The following PICALM variants were observed in gnomAD, a reference collection of about 807,000 sequenced individuals.
PICALM encodes phosphatidylinositol-binding clathrin assembly protein.
PICALM carries 40 observed loss-of-function variants against 80.5 expected under a neutral mutation model. That is an observed-to-expected ratio of 0.50 (90% confidence interval 0.39 to 0.65). PICALM has a LOEUF of 0.65. Among genes scored for constraint, PICALM ranks in the 30% least tolerant of loss-of-function variants. PICALM has a pLI of 0.00. For synonymous variants in PICALM, 288 were observed against 260.3 expected (o/e 1.11, Z -1.02); for missense variants, 676 against 778.9 (o/e 0.87, Z 1.57).
intron 4 of PICALM, among the ~76,000 whole-genome samples, chr11:86,016,783 G>A (rs1293435649): frequency 1.3e-5 from 2 of 152,066 alleles, no homozygotes; most frequent in Admixed American, 6.6e-5. Context: ...AAGTATCTTC[G>A]AATCCTCTTC....
intron 4 of PICALM, among the ~76,000 whole-genome samples, chr11:86,018,452 T>C (rs2095513997): frequency 6.6e-6 from 1 of 152,184 alleles, no homozygotes; most frequent in South Asian, 2.1e-4. Context: ...CAATGACTCA[T>C]CAATTTTAAT....
intron 8 of PICALM, among the ~76,000 whole-genome samples, chr11:86,005,279 G>A (rs2095252590): frequency 6.6e-6 from 1 of 152,170 alleles, no homozygotes; most frequent in Non-Finnish European, 1.5e-5. Flanking sequence ...TCTTTTTTCT[G>A]AAGGGTTTAA....
intron 2 of PICALM, 66 bp downstream of exon 2, chr11:86,031,403 G>A (rs1239245753): frequency 1.2e-5 from 15 of 1,304,310 alleles, no homozygotes; most frequent in East Asian, 2.4e-5. Flanking sequence ...TGAAGTTTCA[G>A]TGAGAGAAGC....
At chr11:86,030,934 G>T (rs1593123059) in intron 2 of PICALM, among the ~76,000 whole-genome samples, 1 of 152,058 alleles carries the variant, frequency 6.6e-6, no homozygotes, top group Non-Finnish European at 1.5e-5. Context: ...AAGCCAAGAT[G>T]GAAAGACCCC....
At chr11:85,959,684 A>G (rs1057212845) in intron 19 of PICALM, among the ~76,000 whole-genome samples, 3 of 147,780 alleles carry the variant, frequency 2.0e-5, no homozygotes, top group Non-Finnish European at 3.0e-5. Context: ...GGCTCAAGCA[A>G]CCCTCCTGCC....
At chr11:86,034,802 T>C (rs1026793867) in intron 1 of PICALM, among the ~76,000 whole-genome samples, 77 of 152,248 alleles carry the variant, frequency 5.1e-4, no homozygotes, top group Non-Finnish European at 1.0e-3. Context: ...CACTTTTCCA[T>C]GTAGAGAAAG....
chr11:86,067,374 C>T (rs1337775670), intron 1 of PICALM, among the ~76,000 whole-genome samples: 1 of 152,152 alleles, frequency 6.6e-6, no homozygotes, highest in Non-Finnish European at 1.5e-5. Flanking sequence ...TGACTATTGC[C>T]CTATTTTTCC....
chr11:86,000,987 T>C, intron 10 of PICALM, 48 bp downstream of exon 10: 1 of 1,606,242 alleles, frequency 6.2e-7, no homozygotes, highest in Non-Finnish European at 8.5e-7. Flanking sequence ...ATTTACCTAA[T>C]GAACACCTGT....
intron 19 of PICALM, among the ~76,000 whole-genome samples, chr11:85,961,635 A>G (rs2093691334): frequency 1.3e-5 from 2 of 152,324 alleles, no homozygotes; most frequent in Non-Finnish European, 2.9e-5. Flanking sequence ...CCCGACATGA[A>G]CCTTTTTACT....
intron 1 of PICALM, among the ~76,000 whole-genome samples, chr11:86,055,622 T>G (rs1348576632): frequency 2.6e-5 from 4 of 151,778 alleles, no homozygotes; most frequent in Admixed American, 1.3e-4. Flanking sequence ...GGTAGTAGAG[T>G]TGTATTCCAT....
At chr11:86,021,105 T>C (rs777340069) in intron 4 of PICALM, among the ~76,000 whole-genome samples, 1 of 152,128 alleles carries the variant, frequency 6.6e-6, no homozygotes, top group Non-Finnish European at 1.5e-5. Flanking sequence ...CTCAACACTG[T>C]GGGAGGCCAA....
At chr11:86,068,402 G>C (rs1732349039) in intron 1 of PICALM, among the ~76,000 whole-genome samples, 1 of 152,192 alleles carries the variant, frequency 6.6e-6, no homozygotes, top group Non-Finnish European at 1.5e-5. Context: ...GCACCGGGCA[G>C]GGAGACGAGG....
intron 1 of PICALM, among the ~76,000 whole-genome samples, chr11:86,055,406 G>A (rs2096253962): frequency 6.6e-6 from 1 of 151,458 alleles, no homozygotes; most frequent in Non-Finnish European, 1.5e-5. Flanking sequence ...TGATAGTCAT[G>A]CAACTATTTG....
chr11:85,981,138 A>T lies in PICALM; in HGVS notation c.1770T>A (p.Ala590=), dbSNP rs694353. The T allele has an allele frequency of 5.3e-4, 820 of 1,546,182 alleles. 15 individuals carry two copies. In the East Asian group the frequency reaches 0.016, roughly 30 times the overall value. Residue 590 remains alanine (A), a synonymous_variant, in exon 17 of 20, where the codon GCT becomes GCA. Coordinates refer to ENST00000393346, the MANE Select transcript of PICALM (RefSeq NM_007166.4). ...PKVAPTTAWN[A]ATMAPPVMAY... is the part of the protein sequence containing the mutation. ...AGCTTTTTCAACTCACCATTGTTGC[A>T]GCATTCCAAGCGGTTGTTGGTGCAA...
At chr11:85,996,956 T>A in intron 11 of PICALM, 27 bp from the exon 12 acceptor site, 1 of 1,507,580 alleles carries the variant, frequency 6.6e-7, no homozygotes, top group East Asian at 2.3e-5. Flanking sequence ...GAAACGTGTT[T>A]TATTTACCAG....
At chr11:85,962,906 C>T (rs1332653452) in intron 19 of PICALM, among the ~76,000 whole-genome samples, 1 of 152,164 alleles carries the variant, frequency 6.6e-6, no homozygotes, top group Admixed American at 6.5e-5. Flanking sequence ...AAAGCACAGA[C>T]ACACCATGCA....
At chr11:86,010,838 T>G (rs2095381963) in intron 7 of PICALM, among the ~76,000 whole-genome samples, 192 bp downstream of exon 7, 1 of 152,252 alleles carries the variant, frequency 6.6e-6, no homozygotes, top group African/African-American at 2.4e-5. Flanking sequence ...GCTATTGAAT[T>G]AAATTTACAG....
At chr11:86,020,201 A>G (rs1029957850) in intron 4 of PICALM, among the ~76,000 whole-genome samples, 5 of 147,096 alleles carry the variant, frequency 3.4e-5, no homozygotes, top group Non-Finnish European at 7.7e-5. Flanking sequence ...TAAATACAAA[A>G]CAGCACTGAA....
At position 86,012,375 on chromosome 11, in the gene PICALM, A is replaced by AC. The variant is rs2095413526; in HGVS notation, c.563_564insG (p.Thr189TyrfsTer18). On this transcript the variant is annotated frameshift_variant, in exon 6 of 20. Transcript: ENST00000393346. LOFTEE classifies it high-confidence loss of function. ...AGGCAGCATTTATTACCCCATTTGT[A>AC]AGTTCATTGCTATTAACCTAGGGAA... The AC allele has an allele frequency of 1.9e-6, 3 of 1,604,108 alleles. No individual in the cohort carries two copies. Among genetic ancestry groups the AC allele is most frequent in the Non-Finnish European group, 2.6e-6 (3 of 1,171,896 alleles).
Sources: gnomAD v4.1 joint callset for allele counts (sites outside exome capture counted in the v4.1 genomes callset) on GRCh38, gnomAD v4.1.1 for gene constraint, MANE v1.5 for transcripts, NCBI Gene and HGNC (gene_info 2026-07-23, HGNC 2026-07-21) for gene names.